The following PADI2 variants were observed in gnomAD, a reference collection of about 807,000 sequenced individuals.
PADI2 encodes peptidyl arginine deiminase 2, also known as protein-arginine deiminase type-2.
In PADI2, 70 loss-of-function variants were observed where a neutral mutation model predicts 81.1. The observed-to-expected ratio is 0.86, with a 90% CI of 0.71 to 1.05. PADI2 has a LOEUF of 1.05. Ranked by LOEUF, PADI2 falls within the 50% of genes least tolerant of loss-of-function variation. The pLI, the probability that PADI2 is intolerant of heterozygous loss-of-function variation, is 0.00. For missense variants in PADI2, 853 were observed against 889.9 expected (o/e 0.96, Z 0.53); for synonymous variants, 338 against 358.0 (o/e 0.94, Z 0.63).
chr1:17,071,317 C>A, intron 14 of PADI2, 89 bp downstream of exon 14: 1 of 949,796 alleles, frequency 1.1e-6, no homozygotes, highest in Non-Finnish European at 1.7e-6. Flanking sequence ...AGCCCTTGGC[C>A]ATTCTCTACG....
rs386366321 is a variant in PADI2 at position 17,100,048 on chromosome 1, G to GT, written c.349+2938_349+2939insA. Among the ~76,000 whole-genome samples, 6 of 151,062 alleles carry GT rather than the reference G, an allele frequency of 4.0e-5. No individual in the cohort carries two copies. In the South Asian group the frequency reaches 6.3e-4, roughly 16 times the overall value. The stretch of plus-strand genomic sequence containing the variant: ...CAGCCTCTCAAGATATTGGGGTTGG[G>GT]GGGGGGCTTGCCTCTGAGGCGCTGC... On this transcript the variant is annotated intron_variant, in intron 3 of 15. Coordinates refer to ENST00000375486, the MANE Select transcript of PADI2 (RefSeq NM_007365.3).
chr1:17,078,595 C>G (rs1425956187), intron 11 of PADI2, among the ~76,000 whole-genome samples: 1 of 152,078 alleles, frequency 6.6e-6, no homozygotes, highest in Non-Finnish European at 1.5e-5. Flanking sequence ...GCCATGTTGT[C>G]CAGGCTGGTC....
At chr1:17,077,156 C>G (rs2078309984) in intron 11 of PADI2, among the ~76,000 whole-genome samples, 2 of 152,188 alleles carry the variant, frequency 1.3e-5, no homozygotes, top group Non-Finnish European at 2.9e-5. Context: ...CAAGCCTCAA[C>G]TCTAGTCACA....
At chr1:17,102,946 T>G in intron 3 of PADI2, 41 bp downstream of exon 3, 1 of 1,477,646 alleles carries the variant, frequency 6.8e-7, no homozygotes. Flanking sequence ...TGCCAGGCCC[T>G]GGGTGATGAA....
chr1:17,101,878 G>GATA (rs983129499), intron 3 of PADI2, among the ~76,000 whole-genome samples: 1 of 152,190 alleles, frequency 6.6e-6, no homozygotes, highest in Non-Finnish European at 1.5e-5. Context: ...AAATGAGGAT[G>GATA]ATAATAATAA....
intron 3 of PADI2, among the ~76,000 whole-genome samples, chr1:17,097,739 G>C (rs574872843): frequency 6.9e-6 from 1 of 145,222 alleles, no homozygotes; most frequent in African/African-American, 2.6e-5. Flanking sequence ...CCAGGGGAAA[G>C]AAGGGAAGGC....
At chr1:17,103,102 C>A (rs1261582676) in intron 2 of PADI2, 43 bp from the exon 3 acceptor site, 1 of 1,400,044 alleles carries the variant, frequency 7.1e-7, no homozygotes, top group Non-Finnish European at 1.0e-6. Flanking sequence ...GAAAAGAGAG[C>A]AGAGATCACA....
intron 7 of PADI2, among the ~76,000 whole-genome samples, chr1:17,085,325 A>G (rs2078376957): frequency 6.6e-6 from 1 of 152,110 alleles, no homozygotes. Flanking sequence ...AATGGACCCC[A>G]TCCTTGGTGG....
intron 12 of PADI2, 156 bp downstream of exon 12, chr1:17,075,523 A>G: frequency 1.6e-6 from 1 of 617,154 alleles, no homozygotes; most frequent in East Asian, 3.1e-5. Flanking sequence ...TTAAAATTTT[A>G]CCTGCCACAG....
At chr1:17,104,474 G>A (rs75543009) in intron 2 of PADI2, among the ~76,000 whole-genome samples, 18 of 95,090 alleles carry the variant, frequency 1.9e-4, no homozygotes, top group East Asian at 7.3e-4. Flanking sequence ...TCGCTCTGTC[G>A]CCCAGGCTGG....
chr1:17,109,406 A>T (rs1476972073), intron 1 of PADI2, among the ~76,000 whole-genome samples: 1 of 134,898 alleles, frequency 7.4e-6, no homozygotes, highest in South Asian at 3.0e-4. Flanking sequence ...AAAAAAAAAA[A>T]AAAAAAAAAA....
rs1190085741 is a variant in PADI2 at position 17,119,138 on chromosome 1, T to G, written c.92+142A>C. 2 of 583,154 alleles carry G rather than the reference T, an allele frequency of 3.4e-6. No individual in the cohort carries two copies. Among genetic ancestry groups the G allele is most frequent in the Non-Finnish European group, 6.0e-6 (2 of 335,032 alleles). The allele number at this position is 583,154 out of a possible 1,614,324, so 36.1% of individuals were successfully genotyped here. A position where few individuals can be genotyped will look rare whatever the true frequency, so the allele number is the denominator to read the frequency against. ...GGGGTTGTCAGGTTTCTGGATGAGA[T>G]TCTTAGGATTTCTGGGCTCGGGGGC... On this transcript the variant is annotated intron_variant, in intron 1 of 15. Coordinates refer to ENST00000375486, the MANE Select transcript of PADI2 (RefSeq NM_007365.3). This position sits in a 1 kb window ranked among gnomAD's most constrained non-coding sequence, Gnocchi z 4.8.
At chr1:17,084,355 C>T (rs1570985534) in intron 8 of PADI2, among the ~76,000 whole-genome samples, 1 of 152,230 alleles carries the variant, frequency 6.6e-6, no homozygotes, top group Admixed American at 6.5e-5. Flanking sequence ...AGCAAGAGAA[C>T]AGAATGGCAG....
At chr1:17,099,232 A>G (rs1266458246) in intron 3 of PADI2, among the ~76,000 whole-genome samples, 1 of 152,174 alleles carries the variant, frequency 6.6e-6, no homozygotes, top group Non-Finnish European at 1.5e-5. Flanking sequence ...ATGGGAAGGA[A>G]GGACACCCTC....
rs373852634 is a variant in PADI2, at chr1:17,115,187, T to C, written c.92+4093A>G. 1.2e-3 allele frequency among the ~76,000 whole-genome samples: 182 copies of C among 152,392 alleles called. No individual in the cohort carries two copies. Among genetic ancestry groups the C allele is most frequent in the African/African-American group, 4.3e-3 (177 of 41,596 alleles). On this transcript the variant is annotated intron_variant, in intron 1 of 15. Coordinates refer to ENST00000375486, the MANE Select transcript of PADI2 (RefSeq NM_007365.3). This position sits in a 1 kb window ranked among gnomAD's most constrained non-coding sequence, Gnocchi z 4.1. ...CAGCGAGTTATGGGCAAATTATTAC[T>C]ATTTACTTGATATTACTAGCTGACA...
At position 17,074,844 on chromosome 1, in the gene PADI2, G is replaced by A; in HGVS notation, c.1549+12C>T. 6.3e-7 allele frequency: 1 copy of A among 1,579,604 alleles called. No homozygotes were observed. The highest frequency in any genetic ancestry group is 8.7e-7 in the Non-Finnish European group (1 of 1,151,298). On this transcript the variant is annotated intron_variant, in intron 13 of 15. Transcript: ENST00000375486. The stretch of plus-strand genomic sequence containing the variant: ...GCTCGCCACTTCCTGTCAAGGCCCT[G>A]TGGCCACTCACCTTTGAACATGATG...
Position 17,107,675 on chromosome 1 carries a change from G to A in PADI2, c.93-2614C>T, listed in dbSNP as rs969377064. On this transcript the variant is annotated intron_variant, in intron 1 of 15. Coordinates refer to ENST00000375486, the MANE Select transcript of PADI2 (RefSeq NM_007365.3). The stretch of plus-strand genomic sequence containing the variant: ...CCCTGGGCTGGCCAAGGCCGTGAGC[G>A]TGAATCTGTAGAGGCTGCCGGGCAG... 1.4e-4 allele frequency among the ~76,000 whole-genome samples: 21 copies of A among 152,230 alleles called. 1 individual carries two copies. The highest frequency in any genetic ancestry group is 1.2e-3 in the Admixed American group (18 of 15,284).
chr1:17,076,265 A>G (rs151320148), intron 11 of PADI2, among the ~76,000 whole-genome samples: 106 of 150,508 alleles, frequency 7.0e-4, no homozygotes, highest in African/African-American at 2.5e-3. Flanking sequence ...CCCAGGCTGG[A>G]GTAGAGTGGC....
chr1:17,116,341 C>T (rs1055173966), intron 1 of PADI2, among the ~76,000 whole-genome samples: 4 of 152,158 alleles, frequency 2.6e-5, no homozygotes, highest in African/African-American at 7.2e-5. Context: ...GAGGCCGTTT[C>T]GCTCACCTTT....
Sources: allele counts gnomAD v4.1 joint callset (sites outside exome capture counted in the v4.1 genomes callset), GRCh38; gene constraint gnomAD v4.1.1; non-coding constraint Gnocchi (gnomAD v3.1); transcripts MANE v1.5; gene names NCBI Gene and HGNC (gene_info 2026-07-23, HGNC 2026-07-21).